SLC35F4: variants seen among roughly 807,000 people sequenced by gnomAD.
The protein encoded by SLC35F4 is solute carrier family 35 member F4.
A neutral mutation model predicts 44.2 loss-of-function variants in SLC35F4; 24 were observed. The observed-to-expected ratio is 0.54, with a 90% CI of 0.39 to 0.76. The LOEUF (loss-of-function observed/expected upper bound fraction) is 0.76. Ranked by LOEUF, SLC35F4 falls within the 30% of genes least tolerant of loss-of-function variation. The pLI is 0.00. For missense variants in SLC35F4, 562 were observed against 586.1 expected, an observed-to-expected ratio of 0.96 and a Z score of 0.42; for synonymous variants, 238 against 223.6, an observed-to-expected ratio of 1.06 and a Z score of -0.57.
At chr14:57,774,878 G>C (rs1163220987) in intron 1 of SLC35F4, among the ~76,000 whole-genome samples, 2 of 152,136 alleles carry the variant, frequency 1.3e-5, no homozygotes, top group African/African-American at 4.8e-5. Flanking sequence ...CTTCCTGCCA[G>C]CACGTTTGTG....
intron 1 of SLC35F4, among the ~76,000 whole-genome samples, chr14:57,633,329 T>C (rs1367385843): frequency 6.6e-6 from 1 of 152,130 alleles, no homozygotes; most frequent in Non-Finnish European, 1.5e-5. Context: ...AAAGGTGCTA[T>C]ACCATTTTGC....
At chr14:57,809,729 C>T (rs898572150) in intron 1 of SLC35F4, among the ~76,000 whole-genome samples, 16 of 152,314 alleles carry the variant, frequency 1.1e-4, no homozygotes, top group Middle Eastern at 3.4e-3. Context: ...TTGGTAAACA[C>T]TGTTATCGGA....
At chr14:57,869,887 C>A (rs1888258693), upstream of SLC35F4, among the ~76,000 whole-genome samples, 1 of 152,128 alleles carries the variant, frequency 6.6e-6, no homozygotes, top group South Asian at 2.1e-4. Flanking sequence ...GCTGACACAG[C>A]CTTTCTGTTT....
intron 1 of SLC35F4, among the ~76,000 whole-genome samples, chr14:57,921,004 G>C (rs529310875): frequency 6.6e-6 from 1 of 152,322 alleles, no homozygotes; most frequent in Admixed American, 6.5e-5. Flanking sequence ...AATTGAAGAT[G>C]ATTTCATGTT....
intron 1 of SLC35F4, among the ~76,000 whole-genome samples, chr14:57,844,684 C>T (rs1020299057): frequency 6.6e-6 from 1 of 152,200 alleles, no homozygotes; most frequent in African/African-American, 2.4e-5. Flanking sequence ...TTCTTCTCAA[C>T]AGGAAAAGCT....
intron 1 of SLC35F4, among the ~76,000 whole-genome samples, chr14:57,679,293 G>T (rs892635352): frequency 6.6e-6 from 1 of 152,052 alleles, no homozygotes; most frequent in Non-Finnish European, 1.5e-5. Flanking sequence ...ATAATGAAAT[G>T]AAGGCAGAAA....
intron 2 of SLC35F4, among the ~76,000 whole-genome samples, chr14:57,592,493 T>C (rs541034192): frequency 1.9e-4 from 29 of 152,332 alleles, no homozygotes; most frequent in Middle Eastern, 6.8e-3. Flanking sequence ...AAATTTGTAA[T>C]CTGTGTATGA....
At chr14:57,669,583 G>T (rs1039039937) in intron 1 of SLC35F4, among the ~76,000 whole-genome samples, 2 of 152,100 alleles carry the variant, frequency 1.3e-5, no homozygotes, top group Admixed American at 1.3e-4. Context: ...CATCTATTGA[G>T]ATAATCATGC....
At chr14:57,945,134 CA>C (rs939574651) in intron 1 of SLC35F4, among the ~76,000 whole-genome samples, 8 of 152,136 alleles carry the variant, frequency 5.3e-5, no homozygotes, top group Non-Finnish European at 1.2e-4. Flanking sequence ...GCCCTATTCC[CA>C]AATAAATACC....
chr14:57,640,580 A>G (rs1028574639), intron 1 of SLC35F4, among the ~76,000 whole-genome samples: 2 of 152,038 alleles, frequency 1.3e-5, no homozygotes, highest in Non-Finnish European at 2.9e-5. Context: ...TGAAAAGGAT[A>G]TTGTATTTGT....
intron 1 of SLC35F4, among the ~76,000 whole-genome samples, chr14:57,902,279 T>C (rs755890603): frequency 6.6e-6 from 1 of 152,136 alleles, no homozygotes; most frequent in Non-Finnish European, 1.5e-5. Flanking sequence ...GAAATTCTAC[T>C]CTGGCTGGGC....
intron 5 of SLC35F4, among the ~76,000 whole-genome samples, chr14:57,571,138 G>A (rs1358296223): frequency 1.3e-5 from 2 of 152,196 alleles, no homozygotes; most frequent in African/African-American, 4.8e-5. Context: ...GAAACACCAA[G>A]AGAGGTGAAA....
intron 1 of SLC35F4, among the ~76,000 whole-genome samples, chr14:57,659,985 C>T (rs1305190438): frequency 6.6e-6 from 1 of 152,162 alleles, no homozygotes; most frequent in African/African-American, 2.4e-5. Flanking sequence ...CCCACCAATT[C>T]AATCCCAAAT....
At chr14:57,651,199 C>G (rs564236010) in intron 1 of SLC35F4, among the ~76,000 whole-genome samples, 44 of 152,274 alleles carry the variant, frequency 2.9e-4, no homozygotes, top group African/African-American at 1.0e-3. Context: ...AGCTGGTGCA[C>G]AAAACATGTC....
At chr14:57,587,596 A>C (rs143172590) in intron 3 of SLC35F4, among the ~76,000 whole-genome samples, 86 of 152,296 alleles carry the variant, frequency 5.6e-4, no homozygotes, top group African/African-American at 2.0e-3. Context: ...CAGGGAGGGG[A>C]ACATCCCACA....
At chr14:57,938,373 T>C (rs573827393) in intron 1 of SLC35F4, among the ~76,000 whole-genome samples, 1 of 152,224 alleles carries the variant, frequency 6.6e-6, no homozygotes, top group East Asian at 1.9e-4. Flanking sequence ...TGTAATTGAG[T>C]GTCCTGGTTA....
chr14:57,659,810 C>T (rs982738487), intron 1 of SLC35F4, among the ~76,000 whole-genome samples: 1 of 152,126 alleles, frequency 6.6e-6, no homozygotes, highest in African/African-American at 2.4e-5. Context: ...AACTTTACCT[C>T]CTCAAAATAA....
chr14:57,863,231 G>A (rs1055999249), intron 1 of SLC35F4, among the ~76,000 whole-genome samples: 18 of 152,142 alleles, frequency 1.2e-4, no homozygotes, highest in African/African-American at 4.3e-4. Flanking sequence ...TAATTGAACA[G>A]GATAAATAAA....
At chr14:57,639,970 C>T (rs570118155) in intron 1 of SLC35F4, among the ~76,000 whole-genome samples, 2 of 151,942 alleles carry the variant, frequency 1.3e-5, no homozygotes, top group East Asian at 1.9e-4. Flanking sequence ...AAGAAACAAA[C>T]TCTTCTTCAA....
Sources: gnomAD v4.1 joint callset for allele counts (sites outside exome capture counted in the v4.1 genomes callset) on GRCh38, gnomAD v4.1.1 for gene constraint, MANE v1.5 for transcripts, NCBI Gene and HGNC (gene_info 2026-07-23, HGNC 2026-07-21) for gene names.